Variants in INTS3 observed in about 807,000 individuals in gnomAD.
INTS3 encodes SOSS complex subunit A.
In INTS3, 34 loss-of-function variants were observed where a neutral mutation model predicts 146.3. That is an observed-to-expected ratio of 0.23 (90% CI 0.18 to 0.31). The LOEUF is 0.31. INTS3 is among the 10% of genes least tolerant of loss of function. The pLI is 1.00. For missense variants in INTS3, 757 were observed against 1,304.2 expected, an observed-to-expected ratio of 0.58 and a Z score of 6.46; for synonymous variants, 475 against 494.9, an observed-to-expected ratio of 0.96 and a Z score of 0.53.
chr1:153,759,292 T>G (rs889125898), intron 10 of INTS3, among the ~76,000 whole-genome samples: 4 of 145,588 alleles, frequency 2.7e-5, no homozygotes, highest in Admixed American at 1.4e-4. Context: ...AAAAAAAAGG[T>G]TCGGGGGGTA....
intron 3 of INTS3, among the ~76,000 whole-genome samples, chr1:153,744,131 G>A (rs1671642269): frequency 6.6e-6 from 1 of 151,270 alleles, no homozygotes; most frequent in African/African-American, 2.4e-5. Context: ...ACAGAGGTCG[G>A]TAACACAACT....
intron 1 of INTS3, among the ~76,000 whole-genome samples, chr1:153,738,590 C>T (rs986042188): frequency 1.3e-5 from 2 of 152,168 alleles, no homozygotes; most frequent in African/African-American, 4.8e-5. Context: ...TAACTTTGAT[C>T]ACTTGGTTAA....
intron 20 of INTS3, 70 bp downstream of exon 20, chr1:153,765,133 C>A: frequency 6.5e-7 from 1 of 1,545,416 alleles, no homozygotes; most frequent in East Asian, 2.3e-5. Flanking sequence ...CACACGCTGA[C>A]TCCCCAACCC....
chr1:153,757,088 A>G lies in INTS3; in HGVS notation c.958-484A>G, dbSNP rs1298402285. On this transcript the variant is annotated intron_variant, in intron 9 of 29. Transcript: ENST00000318967. The surrounding 1 kb of genome is among the most constrained non-coding windows in gnomAD (Gnocchi z 4.0). ...GTTTGAGGAAAAACTTTCCACAAGA[A>G]GGTTTGGAGAGTCTAGGCTTTGGAT... Among the ~76,000 whole-genome samples the G allele has an allele frequency of 1.3e-5, 2 of 152,198 alleles. No individual in the cohort carries two copies. The highest frequency in any genetic ancestry group is 2.9e-5 in the Non-Finnish European group (2 of 68,036).
At chr1:153,770,924 T>G (rs540309337) in intron 25 of INTS3, among the ~76,000 whole-genome samples, 191 bp downstream of exon 25, 38 of 152,266 alleles carry the variant, frequency 2.5e-4, no homozygotes, top group African/African-American at 9.1e-4. Flanking sequence ...CTCTCGACTT[T>G]ACCCCCCTGC....
chr1:153,773,092 A>T lies in INTS3; in HGVS notation c.3051+11A>T, dbSNP rs541534617. 6.2e-7 allele frequency: 1 copy of T among 1,614,158 alleles called. No individual in the cohort carries two copies. The highest frequency in any genetic ancestry group is 1.1e-5 in the South Asian group (1 of 91,088). On this transcript the variant is annotated intron_variant, in intron 29 of 29. Coordinates refer to ENST00000318967, the MANE Select transcript of INTS3 (RefSeq NM_023015.5). ...TCCAGCAGTGCTTCAGTGAGAACCC[A>T]GCCAGTGCACAGGGGGAAAAGGAGC...
intron 20 of INTS3, 129 bp from the exon 21 acceptor site, chr1:153,767,545 G>A: frequency 2.3e-6 from 2 of 870,502 alleles, no homozygotes; most frequent in Non-Finnish European, 3.3e-6. Context: ...AGTTGGGAGG[G>A]ACATGAGGCA....
At chr1:153,747,548 G>A (rs890876172) in intron 5 of INTS3, 185 bp downstream of exon 5, 17 of 611,838 alleles carry the variant, frequency 2.8e-5, no homozygotes, top group South Asian at 2.0e-4. Context: ...ATCATGGGGG[G>A]CCTTTTAAAG....
chr1:153,768,861 C>G, intron 21 of INTS3, 32 bp from the exon 22 acceptor site: 2 of 1,571,882 alleles, frequency 1.3e-6, no homozygotes, highest in Non-Finnish European at 1.8e-6. Context: ...AGGAGCCCAT[C>G]CAGGACTCTT....
Position 153,747,268 on chromosome 1 carries a change from CT to C in INTS3, c.433-8del, listed in dbSNP as rs1287307030. The C allele has an allele frequency of 6.2e-7, 1 of 1,612,988 alleles. No individual in the cohort carries two copies. The highest frequency in any genetic ancestry group is 8.5e-7 in the Non-Finnish European group (1 of 1,178,986). ...TCCTGCTCTTCATCTGTTTTTCCCT[CT>C]TTCCTTTAGTTGGTGTGGTTGGTAC... On this transcript the variant is annotated splice_polypyrimidine_tract_variant and intron_variant, in intron 4 of 29. Transcript: ENST00000318967.
chr1:153,750,676 T>TA (rs1245598334), intron 6 of INTS3, among the ~76,000 whole-genome samples: 2 of 152,210 alleles, frequency 1.3e-5, no homozygotes, highest in African/African-American at 4.8e-5. Flanking sequence ...TAGGGACACT[T>TA]ACCCAGCTTT....
At position 153,769,979 on chromosome 1, in the gene INTS3, C is replaced by T. The variant is rs114682783; in HGVS notation, c.2389+135C>T. 2.9e-3 allele frequency: 2,061 copies of T among 718,528 alleles called. 34 individuals carry two copies. The African/African-American group carries it at 0.032, about 11-fold the overall frequency. 44.5% of individuals were successfully genotyped at this position (718,528 alleles called of 1,614,324 possible). ...GAGAGAATTGTACTCCACCCTGGTG[C>T]GGTCTGGGGCAGTATCTTTCTGGAT... On this transcript the variant is annotated intron_variant, in intron 23 of 29. Coordinates refer to ENST00000318967, the MANE Select transcript of INTS3 (RefSeq NM_023015.5).
chr1:153,761,109 G>A, intron 13 of INTS3, 191 bp downstream of exon 13: 5 of 1,419,572 alleles, frequency 3.5e-6, no homozygotes, highest in Non-Finnish European at 4.6e-6. Context: ...GTATTACAAA[G>A]GTCTTCAAAT....
chr1:153,740,173 C>T (rs1671473549), intron 1 of INTS3, among the ~76,000 whole-genome samples: 1 of 152,060 alleles, frequency 6.6e-6, no homozygotes, highest in South Asian at 2.1e-4. Flanking sequence ...GATCTCTGCT[C>T]ACTGCTGCCT....
Position 153,772,196 on chromosome 1 carries a change from C to T in INTS3, c.2721-144C>T, listed in dbSNP as rs1487563378. 1 of 1,019,766 alleles carries T rather than the reference C, an allele frequency of 9.8e-7. No individual in the cohort carries two copies. The highest frequency in any genetic ancestry group is 2.5e-5 in the East Asian group (1 of 39,492). The allele number at this position is 1,019,766 out of a possible 1,614,324, so 63.2% of individuals were successfully genotyped here. Reference sequence around the variant, plus strand: ...TCCCCTGTTCTAGGCACACCTTTCTCACCCAACCCCAGCCCTCCCAGGCTG... The same window carrying T: ...TCCCCTGTTCTAGGCACACCTTTCTTACCCAACCCCAGCCCTCCCAGGCTG... On this transcript the variant is annotated intron_variant, in intron 26 of 29. Transcript: ENST00000318967. This position sits in a 1 kb window ranked among gnomAD's most constrained non-coding sequence, Gnocchi z 4.6.
chr1:153,744,016 CCTCA>C (rs1671633514), intron 3 of INTS3, among the ~76,000 whole-genome samples: 1 of 148,010 alleles, frequency 6.8e-6, no homozygotes, highest in African/African-American at 2.5e-5. Context: ...CTTCTCTTTT[CCTCA>C]CTGAGGGTGT....
At chr1:153,747,245 C>T (rs780911160) in intron 4 of INTS3, 34 bp from the exon 5 acceptor site, 3 of 1,581,524 alleles carry the variant, frequency 1.9e-6, no homozygotes, top group Non-Finnish European at 1.7e-6. Flanking sequence ...CTCACAGTTC[C>T]TGCTCTTCAT....
chr1:153,766,115 CTTTT>C (rs542483679), intron 20 of INTS3, among the ~76,000 whole-genome samples: 2 of 84,648 alleles, frequency 2.4e-5, no homozygotes, highest in Non-Finnish European at 2.1e-5. Context: ...TTTTCTTTCT[CTTTT>C]TTTTTTTTTT....
rs531600356 is a variant in INTS3, at chr1:153,765,354, A to C, written c.2090+291A>C. Among the ~76,000 whole-genome samples the C allele has an allele frequency of 9.2e-5, 14 of 152,000 alleles. No individual in the cohort carries two copies. In the South Asian group the frequency reaches 2.7e-3, roughly 29 times the overall value. ...AGGCATGCACTACCATGCCCAGATAATTTTTTAAAATTTTTTTGTAGAGAC... is the reference window on the plus strand; with the variant it reads ...AGGCATGCACTACCATGCCCAGATACTTTTTTAAAATTTTTTTGTAGAGAC... On this transcript the variant is annotated intron_variant, in intron 20 of 29. Transcript: ENST00000318967.
Sources: allele counts gnomAD v4.1 joint callset (sites outside exome capture counted in the v4.1 genomes callset), GRCh38; gene constraint gnomAD v4.1.1; non-coding constraint Gnocchi (gnomAD v3.1); transcripts MANE v1.5; gene names NCBI Gene and HGNC (gene_info 2026-07-23, HGNC 2026-07-21).